Variants in GABRB1 observed in about 807,000 individuals in gnomAD.
The protein encoded by GABRB1 is gamma-aminobutyric acid receptor subunit beta-1.
A neutral mutation model predicts 51.6 loss-of-function variants in GABRB1; 17 were observed. That is an observed-to-expected ratio of 0.33 (90% CI 0.23 to 0.49). The LOEUF is 0.49. Ranked by LOEUF, GABRB1 falls within the 20% of genes least tolerant of loss-of-function variation. The pLI is 0.99. For synonymous variants in GABRB1, 247 were observed against 218.9 expected, an observed-to-expected ratio of 1.13 and a Z score of -1.14; for missense variants, 410 against 600.6, an observed-to-expected ratio of 0.68 and a Z score of 3.32.
Position 47,232,926 on chromosome 4 carries a change from G to A in GABRB1, c.461+71457G>A, listed in dbSNP as rs1365490170. Among the ~76,000 whole-genome samples, 3 of 149,538 alleles carry A rather than the reference G, an allele frequency of 2.0e-5. No individual in the cohort carries two copies. In the East Asian group the frequency reaches 5.9e-4, roughly 29 times the overall value. On this transcript the variant is annotated intron_variant, in intron 4 of 8. Coordinates refer to ENST00000295454, the MANE Select transcript of GABRB1 (RefSeq NM_000812.4). Reference sequence around the variant, plus strand: ...GTCTCACTCTGTCACCCAGGCTGGAGTGCAGTGGTTTGATCTCAGCTCACT... The same window carrying A: ...GTCTCACTCTGTCACCCAGGCTGGAATGCAGTGGTTTGATCTCAGCTCACT...
intron 4 of GABRB1, among the ~76,000 whole-genome samples, chr4:47,173,435 G>T (rs181342993): frequency 3.2e-4 from 48 of 152,226 alleles, no homozygotes; most frequent in Admixed American, 2.4e-3. Context: ...CAGCACAACA[G>T]ACATAGGGCC....
intron 1 of GABRB1, among the ~76,000 whole-genome samples, chr4:47,011,376 A>T (rs1724577780): frequency 6.6e-6 from 1 of 152,096 alleles, no homozygotes; most frequent in South Asian, 2.1e-4. Context: ...AACTACAGAG[A>T]AAAATGGACA....
chr4:47,124,135 G>A (rs1716004119), intron 3 of GABRB1, among the ~76,000 whole-genome samples: 1 of 150,268 alleles, frequency 6.7e-6, no homozygotes, highest in Non-Finnish European at 1.5e-5. Flanking sequence ...AGGAGCTCAT[G>A]AGGGCTTATA....
intron 3 of GABRB1, chr4:47,032,845 C>G: frequency 4.6e-6 from 2 of 436,312 alleles, no homozygotes; most frequent in South Asian, 1.8e-5. Flanking sequence ...ACTAGGGTCC[C>G]CGGACCGGTG....
intron 1 of GABRB1, among the ~76,000 whole-genome samples, chr4:47,010,400 G>T (rs1427461852): frequency 6.6e-6 from 1 of 152,148 alleles, no homozygotes; most frequent in African/African-American, 2.4e-5. Context: ...GAGAACCTGA[G>T]GGGTTAAGTA....
chr4:47,426,117 G>C lies in GABRB1; in HGVS notation c.*99G>C. ...GATACTGCTGTTTCTCGAGGTAAGA[G>C]ATTCAGCCATCCAATTGGTTTTAGG... is the stretch of plus-strand genomic sequence containing the variant. On this transcript the variant is annotated 3_prime_UTR_variant, in exon 9 of 9. Transcript: ENST00000295454. The C allele has an allele frequency of 2.0e-6, 2 of 979,680 alleles. No individual in the cohort carries two copies. The highest frequency in any genetic ancestry group is 3.0e-6 in the Non-Finnish European group (2 of 665,706). The allele number at this position is 979,680 out of a possible 1,614,324, so 60.7% of individuals were successfully genotyped here.
Position 47,403,635 on chromosome 4 carries a change from T to G in GABRB1, c.759T>G (p.Pro253=), listed in dbSNP as rs764133045. The G allele has an allele frequency of 1.2e-5, 19 of 1,613,852 alleles. No individual in the cohort carries two copies. Among genetic ancestry groups the G allele is most frequent in the Non-Finnish European group, 1.6e-5 (19 of 1,179,940 alleles). Residue 253 remains proline (P), a synonymous_variant, in exon 7 of 9, where the codon CCT becomes CCG. Transcript: ENST00000295454. ...IGYFILQTYM[P]STLITILSWV... The stretch of plus-strand genomic sequence containing the variant: ...ACTTCATTTTGCAAACCTACATGCC[T>G]TCTACACTGATTACAATTCTGTCCT...
chr4:47,119,505 T>C (rs898797141), intron 3 of GABRB1, among the ~76,000 whole-genome samples: 2 of 136,748 alleles, frequency 1.5e-5, no homozygotes, highest in East Asian at 2.2e-4. Flanking sequence ...ATTTTCTTTT[T>C]CTTTCTTTTT....
intron 3 of GABRB1, among the ~76,000 whole-genome samples, chr4:47,100,950 T>G (rs2109606379): frequency 6.6e-6 from 1 of 152,058 alleles, no homozygotes; most frequent in South Asian, 2.1e-4. Context: ...GATAGGCAAA[T>G]AGGACAGTAT....
At chr4:47,297,686 G>A (rs143024275) in intron 4 of GABRB1, among the ~76,000 whole-genome samples, 12,934 of 152,156 alleles carry the variant, frequency 0.085, 1,176 homozygotes, top group East Asian at 0.38. Flanking sequence ...GGTACAAGGA[G>A]GAACTGGTAC....
At chr4:47,253,616 A>T (rs1470346157) in intron 4 of GABRB1, among the ~76,000 whole-genome samples, 1 of 152,028 alleles carries the variant, frequency 6.6e-6, no homozygotes. Context: ...AACACCACCC[A>T]CTTTCTTTTA....
chr4:47,322,132 T>C (rs1013559812), intron 5 of GABRB1, among the ~76,000 whole-genome samples: 1 of 152,120 alleles, frequency 6.6e-6, no homozygotes, highest in Non-Finnish European at 1.5e-5. Context: ...GGGGAAGGGA[T>C]GAGGGAAGCC....
intron 8 of GABRB1, among the ~76,000 whole-genome samples, chr4:47,417,614 G>A (rs550098399): frequency 6.6e-6 from 1 of 152,316 alleles, no homozygotes; most frequent in East Asian, 1.9e-4. Context: ...ACAAGGGAAG[G>A]CAGCCATTCG....
rs1017628628 is a variant in GABRB1 at position 47,126,703 on chromosome 4, G to A, written c.241-34546G>A. ...AGTCTGTAGAGGAGATTAAGAATCA[G>A]ACTATGGAATGTTTTAATGCTATGC... On this transcript the variant is annotated intron_variant, in intron 3 of 8. Coordinates refer to ENST00000295454, the MANE Select transcript of GABRB1 (RefSeq NM_000812.4). 2.6e-5 allele frequency among the ~76,000 whole-genome samples: 4 copies of A among 152,116 alleles called. No individual in the cohort carries two copies. The East Asian group carries it at 7.7e-4, about 29-fold the overall frequency.
chr4:47,130,272 C>G (rs1017214886), intron 3 of GABRB1, among the ~76,000 whole-genome samples: 2 of 151,928 alleles, frequency 1.3e-5, no homozygotes, highest in African/African-American at 4.8e-5. Flanking sequence ...CCCTGCCCAC[C>G]TCCACAGCCC....
intron 4 of GABRB1, among the ~76,000 whole-genome samples, chr4:47,237,684 C>A (rs1361992113): frequency 6.6e-6 from 1 of 151,760 alleles, no homozygotes; most frequent in Non-Finnish European, 1.5e-5. Flanking sequence ...TATATGAATG[C>A]ATGAGCAGGT....
chr4:47,150,236 T>A (rs1041236448), intron 3 of GABRB1, among the ~76,000 whole-genome samples: 2 of 141,228 alleles, frequency 1.4e-5, no homozygotes, highest in African/African-American at 5.4e-5. Context: ...TATTTCATTT[T>A]GCATGTTTGG....
At chr4:47,311,095 A>G (rs537813129) in intron 4 of GABRB1, among the ~76,000 whole-genome samples, 7 of 151,202 alleles carry the variant, frequency 4.6e-5, no homozygotes, top group African/African-American at 1.2e-4. Flanking sequence ...ATGAAAAGAA[A>G]AAAAGATGAA....
chr4:47,304,249 A>G (rs1267512174), intron 4 of GABRB1, among the ~76,000 whole-genome samples: 1 of 152,046 alleles, frequency 6.6e-6, no homozygotes, highest in Non-Finnish European at 1.5e-5. Context: ...ACTAATTTAC[A>G]TTCTCACCAA....
Sources: gnomAD v4.1 joint callset for allele counts (sites outside exome capture counted in the v4.1 genomes callset) on GRCh38, gnomAD v4.1.1 for gene constraint, MANE v1.5 for transcripts, NCBI Gene and HGNC (gene_info 2026-07-23, HGNC 2026-07-21) for gene names.